ACAP2: variants seen among roughly 807,000 people sequenced by gnomAD.
ACAP2 encodes the protein ArfGAP with coiled-coil, ankyrin repeat and PH domains 2, also known as arf-GAP with coiled-coil, ANK repeat and PH domain-containing protein 2.
A neutral mutation model predicts 115.8 loss-of-function variants in ACAP2; 39 were observed. That is an observed-to-expected ratio of 0.34 (90% CI 0.26 to 0.44). The LOEUF is 0.44. Among genes scored for constraint, ACAP2 ranks in the 20% least tolerant of loss-of-function variants. ACAP2 has a pLI of 1.00. For synonymous variants in ACAP2, 289 were observed against 315.8 expected, an observed-to-expected ratio of 0.92 and a Z score of 0.90; for missense variants, 662 against 927.6, an observed-to-expected ratio of 0.71 and a Z score of 3.72.
chr3:195,346,078 A>G (rs1731170558), intron 4 of ACAP2, among the ~76,000 whole-genome samples: 1 of 152,150 alleles, frequency 6.6e-6, no homozygotes, highest in African/African-American at 2.4e-5. Flanking sequence ...CAATACCACA[A>G]TTTCATTATC....
chr3:195,293,256 G>A (rs137902106), intron 18 of ACAP2, among the ~76,000 whole-genome samples: 182 of 152,222 alleles, frequency 1.2e-3, no homozygotes, highest in Admixed American at 2.4e-3. Flanking sequence ...TCATTCCTAG[G>A]ATGGTCCAAT....
At chr3:195,286,858 G>C (rs1382796416) in intron 21 of ACAP2, among the ~76,000 whole-genome samples, 1 of 152,142 alleles carries the variant, frequency 6.6e-6, no homozygotes, top group African/African-American at 2.4e-5. Context: ...GTATTGCCTG[G>C]GAAGCTGCCT....
At chr3:195,380,446 A>T (rs1045254312) in intron 4 of ACAP2, among the ~76,000 whole-genome samples, 3 of 152,226 alleles carry the variant, frequency 2.0e-5, no homozygotes, top group African/African-American at 7.2e-5. Flanking sequence ...ACAGCTTATA[A>T]GCTGCCATAT....
At chr3:195,290,674 A>G (rs67620724) in intron 20 of ACAP2, among the ~76,000 whole-genome samples, 5,251 of 152,060 alleles carry the variant, frequency 0.035, 164 homozygotes, top group East Asian at 0.1. Flanking sequence ...TTAGCCAGGC[A>G]TGGTGGTGCA....
intron 1 of ACAP2, among the ~76,000 whole-genome samples, chr3:195,400,257 C>T (rs1054594994): frequency 3.3e-5 from 5 of 150,590 alleles, no homozygotes; most frequent in African/African-American, 1.2e-4. Context: ...AGATAATCAT[C>T]CTACATGGAG....
chr3:195,308,675 A>C, intron 11 of ACAP2, 111 bp downstream of exon 11: 1 of 891,208 alleles, frequency 1.1e-6, no homozygotes, highest in South Asian at 1.7e-5. Context: ...AAAACTAATA[A>C]ATAATTACAT....
At chr3:195,335,470 TCATGCACACACA>T (rs1442961633) in intron 7 of ACAP2, among the ~76,000 whole-genome samples, 7 of 152,054 alleles carry the variant, frequency 4.6e-5, no homozygotes, top group African/African-American at 1.4e-4. Flanking sequence ...ATATTCAAGT[TCATGCACACACA>T]CATGCACACA....
At chr3:195,392,770 ACC>A (rs1038403763) in intron 1 of ACAP2, among the ~76,000 whole-genome samples, 8 of 152,232 alleles carry the variant, frequency 5.3e-5, no homozygotes, top group African/African-American at 1.9e-4. Flanking sequence ...AGCACTTCAT[ACC>A]ACACTACAAG....
At chr3:195,331,105 A>G (rs889161102) in intron 8 of ACAP2, among the ~76,000 whole-genome samples, 1 of 152,198 alleles carries the variant, frequency 6.6e-6, no homozygotes, top group African/African-American at 2.4e-5. Flanking sequence ...TTACACACAC[A>G]CAAGGTATTT....
intron 1 of ACAP2, among the ~76,000 whole-genome samples, chr3:195,436,277 T>C (rs1715537335): frequency 6.6e-6 from 1 of 151,634 alleles, no homozygotes; most frequent in African/African-American, 2.4e-5. Context: ...CACAGACATG[T>C]GCCACCATGC....
At chr3:195,390,599 C>T (rs1050371890) in intron 2 of ACAP2, among the ~76,000 whole-genome samples, 3 of 152,068 alleles carry the variant, frequency 2.0e-5, no homozygotes, top group East Asian at 1.9e-4. Context: ...GCCAACAGCA[C>T]GGGCGTCACC....
At chr3:195,282,483 A>C (rs1299926112) in intron 22 of ACAP2, 1 of 152,262 alleles carries the variant, frequency 6.6e-6, no homozygotes, top group Non-Finnish European at 1.5e-5. Flanking sequence ...TGTTGTCAAA[A>C]GCAAATGTTA....
rs565472532 is a variant in ACAP2 at position 195,279,251 on chromosome 3, A to T, written c.*77T>A. ...TACCAAAATTAAGTAGAATTAAAGC[A>T]GTAAAAAAATTGTGATTTTTTAGCT... On this transcript the variant is annotated 3_prime_UTR_variant, in exon 23 of 23. Transcript: ENST00000326793. 3 of 864,044 alleles carry T rather than the reference A, an allele frequency of 3.5e-6. No individual in the cohort carries two copies. Among genetic ancestry groups the T allele is most frequent in the African/African-American group, 3.5e-5 (2 of 56,812 alleles). The allele number at this position is 864,044 out of a possible 1,614,324, so 53.5% of individuals were successfully genotyped here. A position where few individuals can be genotyped will look rare whatever the true frequency, so the allele number is the denominator to read the frequency against.
chr3:195,323,896 AT>A (rs1729606219), intron 9 of ACAP2, among the ~76,000 whole-genome samples: 1 of 152,228 alleles, frequency 6.6e-6, no homozygotes, highest in Admixed American at 6.5e-5. Flanking sequence ...ACATTTAAAA[AT>A]AATTAAAAGA....
chr3:195,308,941 T>C, intron 10 of ACAP2, 104 bp from the exon 11 acceptor site: 1 of 1,154,772 alleles, frequency 8.7e-7, no homozygotes, highest in Non-Finnish European at 1.2e-6. Flanking sequence ...ATTGTGTTAA[T>C]TATGTTTTGA....
At chr3:195,407,282 G>T (rs114164620) in intron 1 of ACAP2, among the ~76,000 whole-genome samples, 3,873 of 151,106 alleles carry the variant, frequency 0.026, 142 homozygotes, top group African/African-American at 0.084. Context: ...AGGATTGTTT[G>T]AGCCCAAGAG....
At chr3:195,283,690 T>C (rs1434406993) in intron 22 of ACAP2, among the ~76,000 whole-genome samples, 1 of 152,228 alleles carries the variant, frequency 6.6e-6, no homozygotes, top group Admixed American at 6.5e-5. Flanking sequence ...ATGTCCCCTG[T>C]CTAAGCATAA....
At chr3:195,423,988 G>A (rs1446035389) in intron 1 of ACAP2, among the ~76,000 whole-genome samples, 1 of 151,696 alleles carries the variant, frequency 6.6e-6, no homozygotes, top group Non-Finnish European at 1.5e-5. Flanking sequence ...CCTTTCTCAG[G>A]GTGGGTCCCT....
At chr3:195,438,736 A>T (rs907647952) in intron 1 of ACAP2, among the ~76,000 whole-genome samples, 11 of 151,610 alleles carry the variant, frequency 7.3e-5, no homozygotes, top group Admixed American at 2.6e-4. Context: ...CACCCTTTTT[A>T]AAAAAAAAGT....
Sources: gnomAD v4.1 joint callset for allele counts (sites outside exome capture counted in the v4.1 genomes callset) on GRCh38, gnomAD v4.1.1 for gene constraint, MANE v1.5 for transcripts, NCBI Gene and HGNC (gene_info 2026-07-23, HGNC 2026-07-21) for gene names.